Variants in PUM3 observed in about 807,000 individuals in gnomAD.
The protein encoded by PUM3 is pumilio RNA binding family member 3, also known as pumilio homolog 3.
PUM3 carries 91 observed loss-of-function variants against 84.0 expected under a neutral mutation model. The observed-to-expected ratio is 1.08, with a 90% CI of 0.91 to 1.29. PUM3 has a LOEUF of 1.29. Among genes scored for constraint, PUM3 ranks in the 50% most tolerant of loss-of-function variants. The pLI is 0.00. For synonymous variants in PUM3, 321 were observed against 266.7 expected (o/e 1.20, Z -1.98); for missense variants, 1,067 against 767.5 (o/e 1.39, Z -4.61).
chr9:2,831,403 T>A, intron 5 of PUM3, 59 bp from the exon 6 acceptor site: 2 of 1,076,792 alleles, frequency 1.9e-6, no homozygotes, highest in Non-Finnish European at 1.4e-6. Context: ...TTCTCACTAA[T>A]TTATTGTGAC....
chr9:2,822,679 T>C (rs2129831408), intron 12 of PUM3, among the ~76,000 whole-genome samples: 1 of 149,628 alleles, frequency 6.7e-6, no homozygotes, highest in South Asian at 2.1e-4. Flanking sequence ...AAAAATTTAC[T>C]TAATATTGAA....
chr9:2,828,625 C>G (rs761127896), intron 9 of PUM3, 50 bp downstream of exon 9: 1 of 1,096,110 alleles, frequency 9.1e-7, no homozygotes. Context: ...GGAAAACCTT[C>G]CTCCTTTGAA....
chr9:2,806,388 T>C (rs759443813), intron 17 of PUM3, among the ~76,000 whole-genome samples: 2 of 152,200 alleles, frequency 1.3e-5, no homozygotes, highest in Non-Finnish European at 2.9e-5. Flanking sequence ...CCTGAAGCTA[T>C]GAATGCTCCT....
chr9:2,817,085 T>A (rs1051582180), intron 13 of PUM3, among the ~76,000 whole-genome samples: 72 of 152,324 alleles, frequency 4.7e-4, no homozygotes, highest in African/African-American at 1.6e-3. Flanking sequence ...GCTAAGTGCC[T>A]TAGAGAAACT....
intron 9 of PUM3, among the ~76,000 whole-genome samples, chr9:2,828,200 C>A (rs951956883): frequency 1.3e-5 from 2 of 152,056 alleles, no homozygotes; most frequent in Non-Finnish European, 2.9e-5. Flanking sequence ...TGCCATAAAG[C>A]CTGGCTAATT....
chr9:2,828,568 T>G, intron 9 of PUM3, 107 bp downstream of exon 9: 1 of 682,668 alleles, frequency 1.5e-6, no homozygotes, highest in Non-Finnish European at 2.6e-6. Flanking sequence ...TAGAATAGAT[T>G]AATACTTGTA....
At chr9:2,834,232 T>C (rs770920742) in intron 3 of PUM3, 66 bp from the exon 4 acceptor site, 6 of 1,438,066 alleles carry the variant, frequency 4.2e-6, no homozygotes, top group Non-Finnish European at 5.7e-6. Flanking sequence ...CAATACAAAT[T>C]AGGTAAAAAG....
Position 2,830,975 on chromosome 9 carries a change from A to T in PUM3, c.664T>A (p.Phe222Ile). 1 of 1,478,922 alleles carries T rather than the reference A, an allele frequency of 6.8e-7. No homozygotes were observed. Among genetic ancestry groups the T allele is most frequent in the Non-Finnish European group, 9.4e-7 (1 of 1,065,682 alleles). 91.6% of individuals were successfully genotyped at this position (1,478,922 alleles called of 1,614,324 possible). ...AKYSRNIVKK[F>I]LMYGSKPQIA... ...AAAACAACTTACCCATACATGAGAA[A>T]TTTCTTAACAATATTTCTCGAATAT... The change falls in exon 7 of 18, where the codon TTT becomes ATT. Residue 222 changes from phenylalanine to isoleucine, a missense_variant. Transcript: ENST00000397885.
intron 10 of PUM3, 99 bp from the exon 11 acceptor site, chr9:2,824,914 G>A (rs771170625): frequency 3.0e-6 from 2 of 671,140 alleles, no homozygotes; most frequent in Non-Finnish European, 4.4e-6. Context: ...CAGAGAGAAG[G>A]AAAGGAAGAG....
At chr9:2,834,382 T>C (rs1177437840) in intron 3 of PUM3, among the ~76,000 whole-genome samples, 1 of 152,218 alleles carries the variant, frequency 6.6e-6, no homozygotes, top group African/African-American at 2.4e-5. Context: ...TTAATTCTTC[T>C]AACAGGATAC....
chr9:2,837,531 T>C, intron 2 of PUM3, 130 bp from the exon 3 acceptor site: 1 of 626,684 alleles, frequency 1.6e-6, no homozygotes, highest in Non-Finnish European at 2.7e-6. Flanking sequence ...ATATGCAACA[T>C]ATAGCCTTTT....
At chr9:2,813,400 G>A (rs1264009949) in intron 13 of PUM3, among the ~76,000 whole-genome samples, 1 of 152,172 alleles carries the variant, frequency 6.6e-6, no homozygotes, top group Non-Finnish European at 1.5e-5. Context: ...TTCAATGCAT[G>A]TTTGAGCACC....
chr9:2,837,501 A>G, intron 2 of PUM3, 100 bp from the exon 3 acceptor site: 1 of 732,390 alleles, frequency 1.4e-6, no homozygotes, highest in Non-Finnish European at 2.2e-6. Flanking sequence ...TTTAATCCCA[A>G]TACCATGTCT....
intron 13 of PUM3, among the ~76,000 whole-genome samples, chr9:2,814,904 G>A (rs1305157122): frequency 6.6e-6 from 1 of 152,114 alleles, no homozygotes; most frequent in African/African-American, 2.4e-5. Flanking sequence ...GTATAGGGAG[G>A]AGGCATGAAG....
chr9:2,842,029 T>C (rs1420982581), intron 1 of PUM3, among the ~76,000 whole-genome samples: 2 of 152,200 alleles, frequency 1.3e-5, no homozygotes, highest in South Asian at 2.1e-4. Context: ...CTGCCAATGA[T>C]TAGGTTTTCA....
chr9:2,811,293 A>G, intron 15 of PUM3, 68 bp downstream of exon 15: 4 of 1,372,058 alleles, frequency 2.9e-6, no homozygotes, highest in Non-Finnish European at 4.1e-6. Context: ...CTGACACCCC[A>G]CATCGTCCAA....
Position 2,823,772 on chromosome 9 carries a change from T to C in PUM3, c.1188+9A>G. The C allele has an allele frequency of 7.6e-7, 1 of 1,313,034 alleles. No individual in the cohort carries two copies. The allele number at this position is 1,313,034 out of a possible 1,614,324, so 81.3% of individuals were successfully genotyped here. Reference sequence around the variant, plus strand: ...AAATAATTAGAATATGTAGTTTTATTATACTTACATTAGCCACCTTTTCAA... The same window carrying C: ...AAATAATTAGAATATGTAGTTTTATCATACTTACATTAGCCACCTTTTCAA... On this transcript the variant is annotated intron_variant, in intron 12 of 17. Coordinates refer to ENST00000397885, the MANE Select transcript of PUM3 (RefSeq NM_014878.5).
At chr9:2,832,412 C>T (rs1360686204) in intron 5 of PUM3, among the ~76,000 whole-genome samples, 1 of 152,160 alleles carries the variant, frequency 6.6e-6, no homozygotes, top group Non-Finnish European at 1.5e-5. Flanking sequence ...AAATATACAA[C>T]ACGGATGATG....
intron 13 of PUM3, among the ~76,000 whole-genome samples, chr9:2,813,726 C>A (rs564927904): frequency 1.3e-5 from 2 of 152,336 alleles, no homozygotes; most frequent in East Asian, 3.9e-4. Context: ...CCGTGAATCT[C>A]ACTGCATCAT....
Sources: allele counts gnomAD v4.1 joint callset (sites outside exome capture counted in the v4.1 genomes callset), GRCh38; gene constraint gnomAD v4.1.1; transcripts MANE v1.5; gene names NCBI Gene and HGNC (gene_info 2026-07-23, HGNC 2026-07-21).